The following DIO1 variants were observed in gnomAD, a reference collection of about 807,000 sequenced individuals.
DIO1 encodes type I iodothyronine deiodinase.
Under a neutral mutation model 25.9 loss-of-function variants are expected in DIO1, and 17 were observed. The ratio of observed to expected loss-of-function variants is 0.66; its 90% CI spans 0.45 to 0.98. The LOEUF is 0.98. Among genes scored for constraint, DIO1 ranks in the 50% least tolerant of loss-of-function variants. The probability of loss-of-function intolerance (pLI) is 0.00; values close to 1 mark genes in which losing one functional copy is unlikely to be tolerated. For synonymous variants in DIO1, 115 were observed against 114.0 expected (o/e 1.01, Z -0.05); for missense variants, 270 against 310.4 (o/e 0.87, Z 0.98).
chr1:53,901,922 A>T (rs1311849171), intron 1 of DIO1, among the ~76,000 whole-genome samples: 2 of 152,116 alleles, frequency 1.3e-5, no homozygotes, highest in African/African-American at 4.8e-5. Flanking sequence ...AATGAAAAAG[A>T]AAATATGCAA....
At chr1:53,901,914 T>C (rs544205573) in intron 1 of DIO1, among the ~76,000 whole-genome samples, 5 of 146,780 alleles carry the variant, frequency 3.4e-5, no homozygotes, top group African/African-American at 7.5e-5. Context: ...AAAAAAAAAA[T>C]GAAAAAGAAA....
chr1:53,909,381 A>C (rs974122343), intron 3 of DIO1, among the ~76,000 whole-genome samples: 1 of 152,066 alleles, frequency 6.6e-6, no homozygotes, highest in South Asian at 2.1e-4. Context: ...GCGCCATTGC[A>C]CTCCAGCCTG....
In DIO1 at chr1:53,909,791, C is replaced by G; in HGVS notation, c.682-140C>G. On this transcript the variant is annotated intron_variant, in intron 3 of 3. Transcript: ENST00000361921. ...TTTCTCAACCACCTCACGGTTGCAT[C>G]TGCCATTGAATTAGCCATGCTGATG... 4 of 747,674 alleles carry G rather than the reference C, an allele frequency of 5.3e-6. No homozygotes were observed. In the South Asian group the frequency reaches 6.2e-5, roughly 12 times the overall value. 46.3% of individuals were successfully genotyped at this position (747,674 alleles called of 1,614,324 possible).
chr1:53,910,909 G>A lies in DIO1; in HGVS notation c.*910G>A, dbSNP rs1283603469. On this transcript the variant is annotated 3_prime_UTR_variant, in exon 4 of 4. Coordinates refer to ENST00000361921, the MANE Select transcript of DIO1 (RefSeq NM_000792.7). ...CGCAAGTCTCTTAATGGTCATTTGT[G>A]TTAGATTACATCAAACTGATGGATA... 6.6e-6 allele frequency: 1 copy of A among 152,606 alleles called. No homozygotes were observed. Among genetic ancestry groups the A allele is most frequent in the Non-Finnish European group, 1.5e-5 (1 of 68,032 alleles). 9.5% of individuals were successfully genotyped at this position (152,606 alleles called of 1,614,324 possible). A position where few individuals can be genotyped will look rare whatever the true frequency, so the allele number is the denominator to read the frequency against.
intron 1 of DIO1, among the ~76,000 whole-genome samples, chr1:53,898,865 G>A (rs564296858): frequency 1.8e-4 from 28 of 152,254 alleles, no homozygotes; most frequent in African/African-American, 4.8e-4. Flanking sequence ...ACAGAGAGAC[G>A]TGAAGAATCT....
At chr1:53,898,677 G>A (rs2100762708) in intron 1 of DIO1, among the ~76,000 whole-genome samples, 1 of 150,712 alleles carries the variant, frequency 6.6e-6, no homozygotes, top group East Asian at 2.0e-4. Flanking sequence ...CCCGGGAGGT[G>A]GAGTTTGTAG....
intron 1 of DIO1, among the ~76,000 whole-genome samples, chr1:53,895,101 G>A (rs1388005086): frequency 6.6e-6 from 1 of 152,122 alleles, no homozygotes; most frequent in East Asian, 1.9e-4. Flanking sequence ...CCTGATGGTG[G>A]CACATGGTAG....
intron 3 of DIO1, among the ~76,000 whole-genome samples, chr1:53,907,372 C>T (rs981392896): frequency 6.6e-6 from 1 of 152,028 alleles, no homozygotes; most frequent in Non-Finnish European, 1.5e-5. Context: ...CAGATGAAAC[C>T]AAGTATGTGG....
intron 1 of DIO1, among the ~76,000 whole-genome samples, chr1:53,901,245 T>C (rs1310422000): frequency 2.6e-5 from 4 of 152,128 alleles, no homozygotes; most frequent in African/African-American, 9.7e-5. Flanking sequence ...AGTGTAAATC[T>C]GGTTATTACA....
chr1:53,906,601 G>T (rs1399638160), intron 3 of DIO1, among the ~76,000 whole-genome samples: 1 of 152,046 alleles, frequency 6.6e-6, no homozygotes, highest in East Asian at 1.9e-4. Context: ...TCCTGGTCTG[G>T]TTTCAAACTC....
At chr1:53,903,485 T>C (rs79990327) in intron 1 of DIO1, among the ~76,000 whole-genome samples, 2,006 of 151,258 alleles carry the variant, frequency 0.013, 85 homozygotes, top group African/African-American at 0.046. Context: ...CCCAGGGGAG[T>C]ATGACATCAA....
rs143402328 is a variant in DIO1, at chr1:53,900,353, C to T, written c.338-4313C>T. Among the ~76,000 whole-genome samples the T allele has an allele frequency of 3.6e-3, 546 of 152,284 alleles. 14 individuals are homozygous for T. The East Asian group carries it at 0.053, about 15-fold the overall frequency. ...GCGCAGTGGCTCACGCCTGTAATCCCAGCACTTTGGGAGGCCAAGGCCGGT... is the reference window on the plus strand; with the variant it reads ...GCGCAGTGGCTCACGCCTGTAATCCTAGCACTTTGGGAGGCCAAGGCCGGT... On this transcript the variant is annotated intron_variant, in intron 1 of 3. Transcript: ENST00000361921.
chr1:53,904,549 TG>T, intron 1 of DIO1, 116 bp from the exon 2 acceptor site: 1 of 1,323,542 alleles, frequency 7.6e-7, no homozygotes, highest in Non-Finnish European at 1.0e-6. Context: ...GGACCCATCC[TG>T]GGGTGGGGGG....
chr1:53,906,210 C>T lies in DIO1; in HGVS notation c.597C>T (p.Asp199=). The change falls in exon 3 of 4, where the codon GAC becomes GAT. Residue 199 remains aspartate, a synonymous_variant. Transcript: ENST00000361921. The part of the protein sequence containing the change: ...ARSPQCPVVV[D]TMQNQSSQLY... The stretch of plus-strand genomic sequence containing the variant: ...GCCCCCAGTGCCCTGTGGTGGTGGA[C>T]ACCATGCAGAACCAGAGCAGCCAGC... 6.2e-7 allele frequency: 1 copy of T among 1,614,214 alleles called. No homozygotes were observed. The highest frequency in any genetic ancestry group is 8.5e-7 in the Non-Finnish European group (1 of 1,180,032).
At chr1:53,908,581 G>A (rs948388782) in intron 3 of DIO1, among the ~76,000 whole-genome samples, 1 of 152,168 alleles carries the variant, frequency 6.6e-6, no homozygotes, top group Non-Finnish European at 1.5e-5. Context: ...GGGCCTTAAA[G>A]GATAAGGAGT....
At position 53,910,052 on chromosome 1, in the gene DIO1, T is replaced by A; in HGVS notation, c.*53T>A. ...ACCAACGGGAGGGCTTCTCAAGGCT[T>A]AGCTCTCCCTGAGACCCAGCTGGCT... On this transcript the variant is annotated 3_prime_UTR_variant, in exon 4 of 4. Transcript: ENST00000361921. 1 of 1,510,912 alleles carries A rather than the reference T, an allele frequency of 6.6e-7. No individual in the cohort carries two copies. The highest frequency in any genetic ancestry group is 9.2e-7 in the Non-Finnish European group (1 of 1,085,950). 93.6% of individuals were successfully genotyped at this position (1,510,912 alleles called of 1,614,324 possible). A position where few individuals can be genotyped will look rare whatever the true frequency, so the allele number is the denominator to read the frequency against.
intron 3 of DIO1, among the ~76,000 whole-genome samples, chr1:53,907,654 G>A (rs1651719249): frequency 6.6e-6 from 1 of 152,232 alleles, no homozygotes; most frequent in African/African-American, 2.4e-5. Flanking sequence ...GCTTACGCCT[G>A]TAATCCCAGC....
chr1:53,906,530 C>G (rs1418367470), intron 3 of DIO1, among the ~76,000 whole-genome samples: 1 of 152,240 alleles, frequency 6.6e-6, no homozygotes, highest in African/African-American at 2.4e-5. Flanking sequence ...ACGAATGTCC[C>G]TAGCATTTGG....
rs1278197756 is a variant in DIO1, at chr1:53,910,167, A to C, written c.*168A>C. 1 of 632,028 alleles carries C rather than the reference A, an allele frequency of 1.6e-6. No individual in the cohort carries two copies. 39.2% of individuals were successfully genotyped at this position (632,028 alleles called of 1,614,324 possible). A position where few individuals can be genotyped will look rare whatever the true frequency, so the allele number is the denominator to read the frequency against. On this transcript the variant is annotated 3_prime_UTR_variant, in exon 4 of 4. Coordinates refer to ENST00000361921, the MANE Select transcript of DIO1 (RefSeq NM_000792.7). The stretch of plus-strand genomic sequence containing the variant: ...CTCCCAGCTGAGGAATGCAGGCCAC[A>C]GCACCCAATCAAGACAAATTGTTAT...
Sources: allele counts gnomAD v4.1 joint callset (sites outside exome capture counted in the v4.1 genomes callset), GRCh38; gene constraint gnomAD v4.1.1; transcripts MANE v1.5; gene names NCBI Gene and HGNC (gene_info 2026-07-23, HGNC 2026-07-21).